The following DPP6 variants were observed in gnomAD, a reference collection of about 807,000 sequenced individuals.
The protein encoded by DPP6 is A-type potassium channel modulatory protein DPP6.
DPP6 carries 69 observed loss-of-function variants against 122.6 expected under a neutral mutation model. The observed-to-expected ratio is 0.56, with a 90% confidence interval of 0.46 to 0.69. DPP6 has a LOEUF of 0.69. Among genes scored for constraint, DPP6 ranks in the 30% least tolerant of loss-of-function variants. The pLI is 0.00. For missense variants in DPP6, 928 were observed against 1,116.9 expected (o/e 0.83, Z 2.41); for synonymous variants, 418 against 433.1 (o/e 0.97, Z 0.43).
intron 3 of DPP6, among the ~76,000 whole-genome samples, chr7:154,502,307 T>C (rs1393202074): frequency 6.6e-6 from 1 of 152,098 alleles, no homozygotes; most frequent in Non-Finnish European, 1.5e-5. Flanking sequence ...TGATTGGTTT[T>C]GAAATGTGAG....
intron 1 of DPP6, among the ~76,000 whole-genome samples, chr7:154,377,799 C>A (rs544309209): frequency 6.6e-6 from 1 of 152,288 alleles, no homozygotes; most frequent in East Asian, 1.9e-4. Flanking sequence ...CTCTTCATAG[C>A]AGTATGAAAA....
chr7:154,096,438 A>G (rs1805325468), intron 1 of DPP6, among the ~76,000 whole-genome samples: 1 of 133,502 alleles, frequency 7.5e-6, no homozygotes, highest in Non-Finnish European at 1.6e-5. Context: ...GGGTATTTAT[A>G]TAAGAATGAT....
chr7:154,477,107 G>C (rs1426783256), intron 3 of DPP6, among the ~76,000 whole-genome samples: 1 of 152,064 alleles, frequency 6.6e-6, no homozygotes, highest in Non-Finnish European at 1.5e-5. Flanking sequence ...TTTGGTATTT[G>C]TCAAAAACCA....
At chr7:153,859,475 G>A in the DPP6 span, among the ~76,000 whole-genome samples, 1 of 152,172 alleles carries the variant, frequency 6.6e-6, no homozygotes, top group East Asian at 1.9e-4. Context: ...AAAAAAACTT[G>A]AGTGAGACAT....
chr7:154,371,622 G>A (rs748358494), intron 1 of DPP6, among the ~76,000 whole-genome samples: 8 of 152,018 alleles, frequency 5.3e-5, no homozygotes, highest in African/African-American at 1.2e-4. Context: ...GAATGCACAC[G>A]TCTGTGTGCC....
intron 1 of DPP6, among the ~76,000 whole-genome samples, chr7:154,259,801 ATGCCAAACGCGTTCACAACTGTGGATTC>A: frequency 6.6e-6 from 1 of 152,170 alleles, no homozygotes; most frequent in Non-Finnish European, 1.5e-5. Flanking sequence ...TTTCTGTTGT[ATGCCAAACGCGTTCACAACTGTGGATTC>A]AGCTGTGAAC....
intron 3 of DPP6, among the ~76,000 whole-genome samples, chr7:154,503,942 C>T (rs1466322233): frequency 1.3e-5 from 2 of 152,108 alleles, no homozygotes; most frequent in Non-Finnish European, 2.9e-5. Flanking sequence ...TGCACATGTA[C>T]CCTGAAACTT....
Position 154,010,382 on chromosome 7 carries a change from T to C in DPP6, c.51+122648T>C, listed in dbSNP as rs2861460. Among the ~76,000 whole-genome samples the C allele has an allele frequency of 2.1e-3, 321 of 152,306 alleles. 2 individuals are homozygous for C. The highest frequency in any genetic ancestry group is 7.2e-3 in the African/African-American group (300 of 41,558). On this transcript the variant is annotated intron_variant, in intron 1 of 25. Transcript: ENST00000404039. The stretch of plus-strand genomic sequence containing the variant: ...GCAAAATCAAACAGTCCAGAAAACT[T>C]TCCACCCCAGACCACTATTCAGTTG...
intron 1 of DPP6, among the ~76,000 whole-genome samples, chr7:154,262,217 G>T (rs577670177): frequency 5.3e-4 from 80 of 152,276 alleles, no homozygotes; most frequent in Middle Eastern, 6.8e-3. Flanking sequence ...TGACTGGGAG[G>T]GCGGAGTGTT....
chr7:153,863,188 G>A, the DPP6 span, among the ~76,000 whole-genome samples: 1 of 152,038 alleles, frequency 6.6e-6, no homozygotes, highest in East Asian at 1.9e-4. Context: ...TCAAAGCATA[G>A]CAAAACATAA....
intron 8 of DPP6, among the ~76,000 whole-genome samples, chr7:154,729,254 C>T (rs1842219346): frequency 6.6e-6 from 1 of 152,172 alleles, no homozygotes; most frequent in Admixed American, 6.5e-5. Flanking sequence ...ATAACTCACC[C>T]TGCTAGGCTG....
At chr7:154,311,991 G>A (rs1487934926) in intron 1 of DPP6, among the ~76,000 whole-genome samples, 3 of 152,198 alleles carry the variant, frequency 2.0e-5, no homozygotes. Flanking sequence ...ATTAATGGTG[G>A]AAATTTCAGG....
intron 1 of DPP6, among the ~76,000 whole-genome samples, chr7:154,186,597 A>G (rs1229486947): frequency 6.6e-6 from 1 of 152,224 alleles, no homozygotes; most frequent in Non-Finnish European, 1.5e-5. Flanking sequence ...CCAAGCTAGT[A>G]GCACACAGGC....
At chr7:153,880,354 A>G in the DPP6 span, among the ~76,000 whole-genome samples, 4 of 152,230 alleles carry the variant, frequency 2.6e-5, no homozygotes, top group African/African-American at 9.6e-5. Flanking sequence ...GATACTAGGA[A>G]TCACATACAC....
intron 17 of DPP6, among the ~76,000 whole-genome samples, chr7:154,862,589 G>A (rs1803501599): frequency 2.0e-5 from 3 of 152,304 alleles, no homozygotes; most frequent in Admixed American, 1.3e-4. Flanking sequence ...AATGCGGGAG[G>A]AGAGCTGGGC....
intron 1 of DPP6, among the ~76,000 whole-genome samples, chr7:153,960,268 A>G (rs1200941089): frequency 6.6e-6 from 1 of 152,124 alleles, no homozygotes; most frequent in Non-Finnish European, 1.5e-5. Context: ...ATGCTATTTT[A>G]TAACATTTTA....
chr7:153,830,876 A>G, the DPP6 span, among the ~76,000 whole-genome samples: 28,384 of 152,216 alleles, frequency 0.19, 2,938 homozygotes, highest in African/African-American at 0.26. Context: ...TTCACTTCCA[A>G]TGAAATAACG....
At chr7:153,788,711 C>G in the DPP6 span, among the ~76,000 whole-genome samples, 1 of 152,152 alleles carries the variant, frequency 6.6e-6, no homozygotes, top group Non-Finnish European at 1.5e-5. Context: ...CGCCTGTAAT[C>G]TCAGTATTTT....
intron 1 of DPP6, among the ~76,000 whole-genome samples, chr7:154,182,179 T>C (rs1468785578): frequency 1.3e-5 from 2 of 152,140 alleles, no homozygotes; most frequent in African/African-American, 4.8e-5. Context: ...AATTGCAAAA[T>C]ACCATTGCAC....
Sources: allele counts gnomAD v4.1 joint callset (sites outside exome capture counted in the v4.1 genomes callset), GRCh38; gene constraint gnomAD v4.1.1; transcripts MANE v1.5; gene names NCBI Gene and HGNC (gene_info 2026-07-23, HGNC 2026-07-21).